PDE6C: variants seen among roughly 807,000 people sequenced by gnomAD.
The protein encoded by PDE6C is cone cGMP-specific 3',5'-cyclic phosphodiesterase subunit alpha'.
In PDE6C, 75 loss-of-function variants were observed where a neutral mutation model predicts 113.1. The ratio of observed to expected loss-of-function variants is 0.66; its 90% CI spans 0.55 to 0.80. The LOEUF (loss-of-function observed/expected upper bound fraction) is 0.80. PDE6C is among the 30% of genes least tolerant of loss of function. The probability of loss-of-function intolerance (pLI) is 0.00; values close to 1 mark genes in which losing one functional copy is unlikely to be tolerated. For synonymous variants in PDE6C, 375 were observed against 363.7 expected, an observed-to-expected ratio of 1.03 and a Z score of -0.35; for missense variants, 912 against 1,038.6, an observed-to-expected ratio of 0.88 and a Z score of 1.67.
Position 93,659,187 on chromosome 10 carries a change from C to T in PDE6C, c.2208+20C>T. 6.4e-7 allele frequency: 1 copy of T among 1,560,126 alleles called. No homozygotes were observed. The highest frequency in any genetic ancestry group is 8.8e-7 in the Non-Finnish European group (1 of 1,133,390). On this transcript the variant is annotated intron_variant, in intron 18 of 21. Coordinates refer to ENST00000371447, the MANE Select transcript of PDE6C (RefSeq NM_006204.4). ...AGTCAGGTGAGTCCAGTTAAGTTTTCTTTTCTGTCACACTGTCAGGTACTG... is the reference window on the plus strand; with the variant it reads ...AGTCAGGTGAGTCCAGTTAAGTTTTTTTTTCTGTCACACTGTCAGGTACTG...
Position 93,654,200 on chromosome 10 carries a change from C to A in PDE6C, c.1936-1560C>A, listed in dbSNP as rs555241876. On this transcript the variant is annotated intron_variant, in intron 15 of 21. Transcript: ENST00000371447. ...CTAAGTGCTAGGCAGTTAGGCAGGG[C>A]AGCTGTTATTATGCCCATATGAGAA... is the stretch of plus-strand genomic sequence containing the variant. Among the ~76,000 whole-genome samples the A allele has an allele frequency of 2.6e-5, 4 of 152,340 alleles. No individual in the cohort carries two copies. The Middle Eastern group carries it at 0.01, about 389-fold the overall frequency.
Position 93,663,107 on chromosome 10 carries a change from C to T in PDE6C, c.2447C>T (p.Ala816Val). ...QNNRVEWKSLADEYDAKMKVI... is the reference protein window; with the variant it reads ...QNNRVEWKSLVDEYDAKMKVI... ...AACAGAGTAGAATGGAAATCACTAG[C>T]TGATGAGTATGATGCAAAGATGAAG... Residue 816 changes from alanine to valine, a missense_variant, in exon 21 of 22, where the codon GCT becomes GTT. Physicochemically the swap from Ala to Val is moderately conservative, Grantham distance 64. Coordinates refer to ENST00000371447, the MANE Select transcript of PDE6C (RefSeq NM_006204.4). 2 of 1,613,416 alleles carry T rather than the reference C, an allele frequency of 1.2e-6. No individual in the cohort carries two copies. Among genetic ancestry groups the T allele is most frequent in the East Asian group, 2.2e-5 (1 of 44,822 alleles).
intron 12 of PDE6C, 51 bp downstream of exon 12, chr10:93,640,267 A>G (rs969114190): frequency 6.5e-7 from 1 of 1,540,168 alleles, no homozygotes; most frequent in Non-Finnish European, 9.0e-7. Context: ...GCTCTGCTTC[A>G]CTGATGTTTT....
In PDE6C at chr10:93,646,113, A is replaced by G. The variant is rs2058583282; in HGVS notation, c.1935+66A>G. The G allele has an allele frequency of 6.3e-6, 6 of 951,774 alleles. No individual in the cohort carries two copies. In the South Asian group the frequency reaches 6.5e-5, roughly 10 times the overall value. 59.0% of individuals were successfully genotyped at this position (951,774 alleles called of 1,614,324 possible). ...GGATCAAAGCACTAACCCACAGAAA[A>G]TGCTTGGAAAAAGGGTGGCCTTGAG... On this transcript the variant is annotated intron_variant, in intron 15 of 21. Coordinates refer to ENST00000371447, the MANE Select transcript of PDE6C (RefSeq NM_006204.4).
intron 1 of PDE6C, among the ~76,000 whole-genome samples, chr10:93,619,506 A>C (rs56136444): frequency 0.027 from 4,108 of 152,144 alleles, 70 homozygotes; most frequent in Middle Eastern, 0.044. Context: ...GGCTTACTGC[A>C]ACCTCTGTCT....
Position 93,665,636 on chromosome 10 carries a change from C to G in PDE6C, c.*218C>G. The stretch of plus-strand genomic sequence containing the variant: ...GACAAAAATAGGTACATTTTTGGTG[C>G]CAATTTATTTTAAATTAAAAAATAT... On this transcript the variant is annotated 3_prime_UTR_variant, in exon 22 of 22. Coordinates refer to ENST00000371447, the MANE Select transcript of PDE6C (RefSeq NM_006204.4). The G allele has an allele frequency of 1.8e-6, 1 of 542,708 alleles. No individual in the cohort carries two copies. The highest frequency in any genetic ancestry group is 3.2e-5 in the Admixed American group (1 of 31,066). 33.6% of individuals were successfully genotyped at this position (542,708 alleles called of 1,614,324 possible). A position where few individuals can be genotyped will look rare whatever the true frequency, so the allele number is the denominator to read the frequency against.
chr10:93,628,787 T>G (rs918776049), intron 7 of PDE6C, among the ~76,000 whole-genome samples: 2 of 152,206 alleles, frequency 1.3e-5, no homozygotes, highest in African/African-American at 2.4e-5. Flanking sequence ...TATCTCTCAC[T>G]GAATCCTTAC....
chr10:93,620,099 A>G (rs2058438049), intron 1 of PDE6C, among the ~76,000 whole-genome samples: 1 of 152,158 alleles, frequency 6.6e-6, no homozygotes, highest in South Asian at 2.1e-4. Context: ...AAGGCATAGG[A>G]GACACACCAG....
At chr10:93,630,581 T>TA (rs1255836901) in intron 8 of PDE6C, among the ~76,000 whole-genome samples, 1 of 151,994 alleles carries the variant, frequency 6.6e-6, no homozygotes, top group East Asian at 1.9e-4. Flanking sequence ...GTCCTGTATT[T>TA]AAAAAAACAT....
Position 93,612,537 on chromosome 10 carries a change from G to A in PDE6C, c.-189G>A. 1 of 723,424 alleles carries A rather than the reference G, an allele frequency of 1.4e-6. No individual in the cohort carries two copies. Among genetic ancestry groups the A allele is most frequent in the Non-Finnish European group, 2.4e-6 (1 of 423,404 alleles). 44.8% of individuals were successfully genotyped at this position (723,424 alleles called of 1,614,324 possible). On this transcript the variant is annotated 5_prime_UTR_variant, in exon 1 of 22. Coordinates refer to ENST00000371447, the MANE Select transcript of PDE6C (RefSeq NM_006204.4). Reference sequence around the variant, plus strand: ...ATCCCACCCTAAGCCAGGGCCTTCTGTCACATCCCAAGAGTTACAGGCAGT... The same window carrying A: ...ATCCCACCCTAAGCCAGGGCCTTCTATCACATCCCAAGAGTTACAGGCAGT...
chr10:93,639,986 T>G (rs1490209006), intron 11 of PDE6C, 84 bp from the exon 12 acceptor site: 8 of 1,354,552 alleles, frequency 5.9e-6, no homozygotes, highest in Non-Finnish European at 7.4e-6. Context: ...ATTGTAATTT[T>G]GGTTTACACC....
At chr10:93,637,112 A>G (rs373913723) in intron 11 of PDE6C, 49 bp downstream of exon 11, 11 of 903,696 alleles carry the variant, frequency 1.2e-5, no homozygotes, top group African/African-American at 9.7e-5. Context: ...GAGGCATTAT[A>G]AATCAATAAT....
At chr10:93,645,854 A>G (rs1351484153) in intron 14 of PDE6C, 106 bp from the exon 15 acceptor site, 8 of 731,318 alleles carry the variant, frequency 1.1e-5, no homozygotes, top group Non-Finnish European at 2.0e-5. Flanking sequence ...TTCACAGATA[A>G]TTGAGTGAGG....
At chr10:93,664,580 G>C (rs1444320105) in intron 21 of PDE6C, among the ~76,000 whole-genome samples, 2 of 152,046 alleles carry the variant, frequency 1.3e-5, no homozygotes, top group African/African-American at 4.8e-5. Flanking sequence ...AAAAGTGAGG[G>C]TATTTCTTAG....
At chr10:93,629,779 T>A (rs943675236) in intron 8 of PDE6C, among the ~76,000 whole-genome samples, 7 of 152,122 alleles carry the variant, frequency 4.6e-5, no homozygotes, top group African/African-American at 1.7e-4. Flanking sequence ...CTGCTGATGA[T>A]CTGACAGGAG....
At chr10:93,637,593 G>A (rs1010040040) in intron 11 of PDE6C, among the ~76,000 whole-genome samples, 14 of 152,096 alleles carry the variant, frequency 9.2e-5, no homozygotes, top group Non-Finnish European at 1.9e-4. Flanking sequence ...TGTTAAACTC[G>A]CTCAATAAGT....
intron 15 of PDE6C, 121 bp from the exon 16 acceptor site, chr10:93,655,639 C>CAAAAAAA: frequency 2.5e-5 from 8 of 318,932 alleles, no homozygotes; most frequent in Admixed American, 1.0e-4. Context: ...GGAAGGAAAA[C>CAAAAAAA]AAAAAAAAAA....
chr10:93,627,331 G>C (rs2058478666), intron 7 of PDE6C, among the ~76,000 whole-genome samples: 1 of 145,950 alleles, frequency 6.9e-6, no homozygotes, highest in Admixed American at 6.9e-5. Flanking sequence ...GAAGAATCTT[G>C]ACAGTCAAAT....
At chr10:93,648,430 G>A (rs941212605) in intron 15 of PDE6C, among the ~76,000 whole-genome samples, 7 of 152,032 alleles carry the variant, frequency 4.6e-5, no homozygotes, top group African/African-American at 1.7e-4. Flanking sequence ...TTACCTATCA[G>A]ATATTCTTTT....
Sources: gnomAD v4.1 joint callset for allele counts (sites outside exome capture counted in the v4.1 genomes callset) on GRCh38, gnomAD v4.1.1 for gene constraint, MANE v1.5 for transcripts, NCBI Gene and HGNC (gene_info 2026-07-23, HGNC 2026-07-21) for gene names.